The following CTSC variants were observed in gnomAD, a reference collection of about 807,000 sequenced individuals.
CTSC encodes dipeptidyl peptidase 1.
CTSC carries 37 observed loss-of-function variants against 40.9 expected under a neutral mutation model. That is an observed-to-expected ratio of 0.91 (90% CI 0.70 to 1.19). The LOEUF is 1.19. Ranked by LOEUF, CTSC falls within the 50% of genes most tolerant of loss-of-function variation. The probability of loss-of-function intolerance (pLI) is 0.00; values close to 1 mark genes in which losing one functional copy is unlikely to be tolerated. For missense variants in CTSC, 594 were observed against 567.3 expected (o/e 1.05, Z -0.48); for synonymous variants, 232 against 207.4 (o/e 1.12, Z -1.02).
chr11:88,318,116 A>G (rs1445976863), intron 2 of CTSC, among the ~76,000 whole-genome samples: 4 of 151,692 alleles, frequency 2.6e-5, no homozygotes, highest in Admixed American at 1.3e-4. Flanking sequence ...GAGGAGAGGG[A>G]AAAAAAAATT....
chr11:88,312,643 G>GA, intron 2 of CTSC, 89 bp from the exon 3 acceptor site: 1 of 1,359,390 alleles, frequency 7.4e-7, no homozygotes, highest in Non-Finnish European at 9.8e-7. Flanking sequence ...CAGTAAATGT[G>GA]CCCCTTTCAA....
At chr11:88,312,617 C>A (rs1937790159) in intron 2 of CTSC, 63 bp from the exon 3 acceptor site, 1 of 1,575,558 alleles carries the variant, frequency 6.3e-7, no homozygotes. Flanking sequence ...AGGTCCATTT[C>A]CATGGCTCTC....
chr11:88,325,085 C>G, intron 2 of CTSC: 2 of 978,504 alleles, frequency 2.0e-6, no homozygotes, highest in Non-Finnish European at 2.4e-6. Flanking sequence ...CTTACCAAAG[C>G]TGAAAGAAGT....
At chr11:88,324,597 T>A (rs1938124318) in intron 2 of CTSC, 38 of 984,770 alleles carry the variant, frequency 3.9e-5, no homozygotes, top group Non-Finnish European at 4.5e-5. Flanking sequence ...CAAAGTTCTA[T>A]GTGCATTAGG....
chr11:88,301,389 C>T (rs1280019917), intron 4 of CTSC, among the ~76,000 whole-genome samples: 6 of 152,160 alleles, frequency 3.9e-5, no homozygotes, highest in East Asian at 1.9e-4. Flanking sequence ...AACCTCTAGA[C>T]GGTATTGAAA....
rs187871510 is a variant in CTSC, at chr11:88,316,584, C to A, written c.319-4030G>T. The stretch of plus-strand genomic sequence containing the variant: ...TAACTCATTTATTTTTCACGATAGT[C>A]TATCAGGTTGTTCTTTCCACAAAAA... On this transcript the variant is annotated intron_variant, in intron 2 of 6. Transcript: ENST00000227266. Among the ~76,000 whole-genome samples the A allele has an allele frequency of 4.6e-3, 685 of 149,546 alleles. 4 individuals are homozygous for A. The highest frequency in any genetic ancestry group is 0.017 in the African/African-American group (667 of 40,028).
chr11:88,305,151 A>G (rs1038159689), intron 4 of CTSC, among the ~76,000 whole-genome samples: 16 of 152,304 alleles, frequency 1.1e-4, no homozygotes, highest in African/African-American at 3.6e-4. Context: ...ATGGTCTAAA[A>G]AGGGGAGGCA....
At chr11:88,325,543 T>A (rs930616690) in intron 2 of CTSC, 5 of 985,296 alleles carry the variant, frequency 5.1e-6, no homozygotes, top group Non-Finnish European at 6.0e-6. Flanking sequence ...AAAGACAAGT[T>A]CTAGCATTTT....
chr11:88,322,805 A>C (rs1938060579), intron 2 of CTSC: 1 of 152,278 alleles, frequency 6.6e-6, no homozygotes, highest in East Asian at 1.9e-4. Flanking sequence ...AAAGTCCAGG[A>C]CCAGATGGAT....
intron 5 of CTSC, chr11:88,296,540 A>C: frequency 2.6e-6 from 1 of 388,754 alleles, no homozygotes; most frequent in Non-Finnish European, 4.9e-6. Context: ...AATTTCTGAG[A>C]AGCTTTTGGC....
chr11:88,307,407 T>C lies in CTSC; in HGVS notation c.641+1756A>G, dbSNP rs181878472. Among the ~76,000 whole-genome samples, 217 of 152,236 alleles carry C rather than the reference T, an allele frequency of 1.4e-3. 5 individuals carry two copies. Among genetic ancestry groups the C allele is most frequent in the Admixed American group, 0.012 (189 of 15,294 alleles). ...AGATCCAGCTATACTTTCAGAAAAATAATTTTTTTTTAAATTATCTAAATT... is the reference window on the plus strand; with the variant it reads ...AGATCCAGCTATACTTTCAGAAAAACAATTTTTTTTTAAATTATCTAAATT... On this transcript the variant is annotated intron_variant, in intron 4 of 6. Coordinates refer to ENST00000227266, the MANE Select transcript of CTSC (RefSeq NM_001814.6).
chr11:88,320,871 A>G (rs1937989813), intron 2 of CTSC: 1 of 826,786 alleles, frequency 1.2e-6, no homozygotes, highest in Non-Finnish European at 1.5e-6. Flanking sequence ...TTGGTCATAT[A>G]TCGTGTAATA....
chr11:88,332,051 T>C (rs1938374450), intron 2 of CTSC, among the ~76,000 whole-genome samples: 1 of 152,082 alleles, frequency 6.6e-6, no homozygotes, highest in South Asian at 2.1e-4. Context: ...GAAGCATATA[T>C]AAAGAGGATA....
intron 2 of CTSC, among the ~76,000 whole-genome samples, chr11:88,312,980 G>T (rs217087): frequency 0.87 from 132,386 of 152,230 alleles, 57,718 homozygotes; most frequent in East Asian, 1. Flanking sequence ...GGCAACAGGC[G>T]AAGTGGCAGA....
At chr11:88,310,563 A>G (rs1937731716) in intron 3 of CTSC, among the ~76,000 whole-genome samples, 1 of 152,122 alleles carries the variant, frequency 6.6e-6, no homozygotes, top group Non-Finnish European at 1.5e-5. Context: ...GTGTGTAGAG[A>G]GAGAATTTTG....
intron 4 of CTSC, among the ~76,000 whole-genome samples, chr11:88,307,536 T>C (rs1227171084): frequency 6.7e-6 from 1 of 148,404 alleles, no homozygotes; most frequent in African/African-American, 2.5e-5. Context: ...TGGTTGAGAG[T>C]AATAGAGCTA....
At chr11:88,307,766 A>G (rs1937666192) in intron 4 of CTSC, among the ~76,000 whole-genome samples, 1 of 152,076 alleles carries the variant, frequency 6.6e-6, no homozygotes, top group African/African-American at 2.4e-5. Flanking sequence ...AAATATAGTT[A>G]TGGTCATAAT....
chr11:88,314,418 A>G (rs1033858090), intron 2 of CTSC, among the ~76,000 whole-genome samples: 18 of 152,208 alleles, frequency 1.2e-4, no homozygotes, highest in African/African-American at 4.3e-4. Context: ...TAGAATCCAG[A>G]AAAACTGGAC....
chr11:88,322,920 G>C (rs1340625656), intron 2 of CTSC: 1 of 152,194 alleles, frequency 6.6e-6, no homozygotes, highest in East Asian at 1.9e-4. Flanking sequence ...CTCATTTTAT[G>C]AGGCCAGCAT....
Sources: gnomAD v4.1 joint callset for allele counts (sites outside exome capture counted in the v4.1 genomes callset) on GRCh38, gnomAD v4.1.1 for gene constraint, MANE v1.5 for transcripts, NCBI Gene and HGNC (gene_info 2026-07-23, HGNC 2026-07-21) for gene names.